ANO6: variants seen among roughly 807,000 people sequenced by gnomAD.
ANO6 encodes the protein anoctamin-6.
A neutral mutation model predicts 117.5 loss-of-function variants in ANO6; 106 were observed. That is an observed-to-expected ratio of 0.90 (90% CI 0.77 to 1.06). ANO6 has a LOEUF of 1.06. Among genes scored for constraint, ANO6 ranks in the 50% least tolerant of loss-of-function variants. ANO6 has a pLI of 0.00. For missense variants in ANO6, 955 were observed against 1,121.1 expected, an observed-to-expected ratio of 0.85 and a Z score of 2.12; for synonymous variants, 367 against 385.1, an observed-to-expected ratio of 0.95 and a Z score of 0.55.
At chr12:45,322,042 G>T (rs1005548186) in intron 2 of ANO6, among the ~76,000 whole-genome samples, 4 of 152,114 alleles carry the variant, frequency 2.6e-5, no homozygotes, top group Non-Finnish European at 4.4e-5. Context: ...GGTGCTGGCA[G>T]TTTTACCCAC....
intron 1 of ANO6, among the ~76,000 whole-genome samples, chr12:45,259,305 A>G (rs936161834): frequency 3.3e-5 from 5 of 152,196 alleles, no homozygotes; most frequent in African/African-American, 7.2e-5. Flanking sequence ...GGGTTTGTGT[A>G]TCCCTAGAAG....
At chr12:45,406,238 C>T (rs1306477062) in intron 15 of ANO6, among the ~76,000 whole-genome samples, 1 of 152,198 alleles carries the variant, frequency 6.6e-6, no homozygotes, top group Non-Finnish European at 1.5e-5. Context: ...GAATAAGTGC[C>T]TTGTATGCTT....
chr12:45,292,577 C>A, intron 1 of ANO6: 1 of 910,488 alleles, frequency 1.1e-6, no homozygotes, highest in Non-Finnish European at 1.3e-6. Flanking sequence ...TCTATAAAAG[C>A]ATTAGGTAAT....
intron 15 of ANO6, among the ~76,000 whole-genome samples, chr12:45,406,668 GCAAT>G (rs1381424548): frequency 6.6e-6 from 1 of 152,086 alleles, no homozygotes; most frequent in African/African-American, 2.4e-5. Context: ...TGAGCTATAG[GCAAT>G]CAGAGTCCTA....
chr12:45,434,964 T>G (rs983496190), downstream of ANO6, among the ~76,000 whole-genome samples: 3 of 152,200 alleles, frequency 2.0e-5, no homozygotes, highest in Non-Finnish European at 4.4e-5. Context: ...GATAAATCAT[T>G]GCATTGCCTT....
intron 19 of ANO6, among the ~76,000 whole-genome samples, chr12:45,427,658 G>T (rs775883677): frequency 6.6e-6 from 1 of 151,682 alleles, no homozygotes; most frequent in South Asian, 2.1e-4. Context: ...AAATGAAAAG[G>T]TGTTTAACCT....
chr12:45,397,538 A>G (rs1942653716), intron 12 of ANO6, among the ~76,000 whole-genome samples: 1 of 152,244 alleles, frequency 6.6e-6, no homozygotes, highest in African/African-American at 2.4e-5. Flanking sequence ...ATGCACATAT[A>G]TGTTTATTGC....
chr12:45,270,000 T>C (rs1464099277), intron 1 of ANO6, among the ~76,000 whole-genome samples: 1 of 152,148 alleles, frequency 6.6e-6, no homozygotes, highest in Admixed American at 6.5e-5. Flanking sequence ...GAGATCTGGT[T>C]TAATTATTGG....
Position 45,429,248 on chromosome 12 carries a change from GGGGGTGATA to G in ANO6, c.2672_2680del (p.Gly891_Ile893del), listed in dbSNP as rs762719208. The G allele has an allele frequency of 6.2e-7, 1 of 1,613,872 alleles. No individual in the cohort carries two copies. The highest frequency in any genetic ancestry group is 1.1e-5 in the South Asian group (1 of 91,080). ...ACCTCAAAGATATGACGAAAAATAT[GGGGGTGATA>G]GCTGAGCGGATGATAGAAGCAGTAG... On this transcript the variant is annotated inframe_deletion, in exon 20 of 20. Transcript: ENST00000320560.
intron 2 of ANO6, among the ~76,000 whole-genome samples, chr12:45,325,551 C>G (rs946374643): frequency 3.3e-5 from 5 of 152,142 alleles, no homozygotes; most frequent in Admixed American, 1.3e-4. Flanking sequence ...AAAGTTTGAT[C>G]TCTCCTACAT....
intron 9 of ANO6, among the ~76,000 whole-genome samples, chr12:45,374,284 A>G (rs1941938205): frequency 4.9e-5 from 4 of 82,316 alleles, no homozygotes; most frequent in Admixed American, 4.3e-4. Flanking sequence ...ACAAGGAGGA[A>G]CTGGTACCAT....
At chr12:45,259,615 C>A (rs548804557) in intron 1 of ANO6, among the ~76,000 whole-genome samples, 1 of 152,196 alleles carries the variant, frequency 6.6e-6, no homozygotes, top group African/African-American at 2.4e-5. Flanking sequence ...GCTCTGCACA[C>A]GCTTTTCCAC....
intron 1 of ANO6, chr12:45,270,590 C>T (rs1565656421): frequency 5.6e-6 from 3 of 536,698 alleles, no homozygotes; most frequent in Admixed American, 6.8e-5. Flanking sequence ...ACTGTCAGTT[C>T]CGGGAGAACA....
At chr12:45,297,074 C>T (rs1437733918) in intron 1 of ANO6, among the ~76,000 whole-genome samples, 1 of 152,142 alleles carries the variant, frequency 6.6e-6, no homozygotes, top group Non-Finnish European at 1.5e-5. Context: ...TGCCAAGGAT[C>T]ATGCAGCTAA....
At position 45,331,292 on chromosome 12, in the gene ANO6, CA is replaced by C; in HGVS notation, c.151-2del. The C allele has an allele frequency of 6.2e-7, 1 of 1,605,916 alleles. No homozygotes were observed. Among genetic ancestry groups the C allele is most frequent in the Non-Finnish European group, 8.5e-7 (1 of 1,175,778 alleles). Reference sequence around the variant, plus strand: ...TTACAATTTGTTTTTCTGTTTTACACAGGAAGAATTTAATGGAAAACCTGAC... The same window carrying C: ...TTACAATTTGTTTTTCTGTTTTACACGGAAGAATTTAATGGAAAACCTGAC... On this transcript the variant is annotated splice_acceptor_variant, in intron 2 of 19. Coordinates refer to ENST00000320560, the MANE Select transcript of ANO6 (RefSeq NM_001025356.3). LOFTEE classifies it high-confidence loss of function.
At chr12:45,282,987 T>C (rs1938792142) in intron 1 of ANO6, among the ~76,000 whole-genome samples, 1 of 152,204 alleles carries the variant, frequency 6.6e-6, no homozygotes, top group South Asian at 2.1e-4. Flanking sequence ...AGTTTGTGTT[T>C]TTGTTCTGTA....
At chr12:45,323,551 T>G (rs1940352802) in intron 2 of ANO6, among the ~76,000 whole-genome samples, 1 of 152,238 alleles carries the variant, frequency 6.6e-6, no homozygotes, top group Admixed American at 6.5e-5. Flanking sequence ...TCACATTTAT[T>G]GAGCTTTTAC....
rs534826176 is a variant in ANO6 at position 45,386,917 on chromosome 12, C to T, written c.1166-1244C>T. On this transcript the variant is annotated intron_variant, in intron 10 of 19. Transcript: ENST00000320560. ...TGGTCCCCTCCTCTGGGATGGCCTT[C>T]CCCGAAACACCCAGTTAAATGTTCT... Among the ~76,000 whole-genome samples, 28 of 152,370 alleles carry T rather than the reference C, an allele frequency of 1.8e-4. No homozygotes were observed. In the East Asian group the frequency reaches 4.8e-3, roughly 26 times the overall value.
chr12:45,355,022 G>T (rs2137467700), intron 7 of ANO6, among the ~76,000 whole-genome samples: 1 of 152,260 alleles, frequency 6.6e-6, no homozygotes, highest in South Asian at 2.1e-4. Context: ...AGATAGGGAA[G>T]TAAATATTCT....
Sources: allele counts gnomAD v4.1 joint callset (sites outside exome capture counted in the v4.1 genomes callset), GRCh38; gene constraint gnomAD v4.1.1; transcripts MANE v1.5; gene names NCBI Gene and HGNC (gene_info 2026-07-23, HGNC 2026-07-21).